DENND1A: variants seen among roughly 807,000 people sequenced by gnomAD.
DENND1A encodes DENN domain containing 1A.
In DENND1A, 51 loss-of-function variants were observed where a neutral mutation model predicts 113.7. The observed-to-expected ratio is 0.45, with a 90% CI of 0.36 to 0.57. The LOEUF is 0.57. Ranked by LOEUF, DENND1A falls within the 20% of genes least tolerant of loss-of-function variation. The pLI is 0.00. For synonymous variants in DENND1A, 565 were observed against 570.8 expected (o/e 0.99, Z 0.14); for missense variants, 1,258 against 1,395.9 (o/e 0.90, Z 1.57).
intron 13 of DENND1A, among the ~76,000 whole-genome samples, chr9:123,515,112 C>T (rs1030905525): frequency 3.3e-5 from 5 of 152,170 alleles, no homozygotes; most frequent in African/African-American, 4.8e-5. Context: ...CTACATGAAA[C>T]GGTACTAAAG....
chr9:123,833,484 G>A (rs924165618), intron 2 of DENND1A, among the ~76,000 whole-genome samples: 6 of 152,066 alleles, frequency 3.9e-5, no homozygotes, highest in Admixed American at 1.3e-4. Context: ...TAATGATCAA[G>A]TGAGAACCCT....
chr9:123,454,656 G>A (rs1173590676), intron 16 of DENND1A, 83 bp downstream of exon 16: 9 of 1,372,664 alleles, frequency 6.6e-6, no homozygotes, highest in African/African-American at 2.9e-5. Context: ...GCTCCAGGAT[G>A]GAAGGGGAAG....
chr9:123,712,042 T>C (rs2066671694), intron 5 of DENND1A, among the ~76,000 whole-genome samples: 1 of 152,232 alleles, frequency 6.6e-6, no homozygotes. Flanking sequence ...TTACCTTCTC[T>C]GTGCCTCCAT....
At chr9:123,878,926 T>C (rs373199522) in intron 2 of DENND1A, 25 bp downstream of exon 2, 14 of 1,611,270 alleles carry the variant, frequency 8.7e-6, no homozygotes, top group Non-Finnish European at 1.2e-5. Flanking sequence ...TAACACACCA[T>C]ATCATAATCA....
intron 10 of DENND1A, among the ~76,000 whole-genome samples, chr9:123,627,582 T>C (rs1283904940): frequency 2.6e-5 from 4 of 151,824 alleles, no homozygotes; most frequent in African/African-American, 9.7e-5. Context: ...CTACTAAAAT[T>C]ACAAATAATT....
At chr9:123,791,089 G>A (rs1832927523) in intron 3 of DENND1A, among the ~76,000 whole-genome samples, 2 of 152,024 alleles carry the variant, frequency 1.3e-5, no homozygotes, top group South Asian at 4.1e-4. Context: ...TATGTTGAAC[G>A]GAATAGACCC....
chr9:123,477,662 G>A (rs1304150258), intron 13 of DENND1A, among the ~76,000 whole-genome samples: 1 of 151,818 alleles, frequency 6.6e-6, no homozygotes, highest in Non-Finnish European at 1.5e-5. Flanking sequence ...TAGGTGATGT[G>A]TTGAAAGGTG....
At chr9:123,392,831 G>A (rs1302722801) in intron 21 of DENND1A, among the ~76,000 whole-genome samples, 3 of 152,022 alleles carry the variant, frequency 2.0e-5, no homozygotes, top group South Asian at 2.1e-4. Context: ...TTTCCCTGCC[G>A]AGGCCCCAGA....
chr9:123,579,464 G>C (rs10818844), intron 12 of DENND1A, among the ~76,000 whole-genome samples: 8,562 of 152,228 alleles, frequency 0.056, 335 homozygotes, highest in South Asian at 0.096. Flanking sequence ...GGGAAATGGA[G>C]TTTATGTTTT....
chr9:123,705,968 T>C (rs1327007339), intron 5 of DENND1A, among the ~76,000 whole-genome samples: 1 of 152,100 alleles, frequency 6.6e-6, no homozygotes, highest in Non-Finnish European at 1.5e-5. Context: ...GTCATTCAAA[T>C]TCTGTTTTGT....
intron 5 of DENND1A, among the ~76,000 whole-genome samples, chr9:123,740,169 A>G (rs1045765269): frequency 2.6e-5 from 4 of 152,204 alleles, no homozygotes; most frequent in African/African-American, 9.7e-5. Context: ...ATGCCCCTCT[A>G]CGTAAAAGTT....
intron 1 of DENND1A, among the ~76,000 whole-genome samples, chr9:123,903,331 CAAAAAAA>C (rs869154918): frequency 1.3e-3 from 36 of 27,020 alleles, no homozygotes; most frequent in East Asian, 3.5e-3. Flanking sequence ...GACTCCGTCT[CAAAAAAA>C]AAAAAAAAAA....
chr9:123,485,323 G>C (rs983489661), intron 13 of DENND1A, among the ~76,000 whole-genome samples: 1 of 152,224 alleles, frequency 6.6e-6, no homozygotes, highest in Non-Finnish European at 1.5e-5. Flanking sequence ...ATAATTAAAG[G>C]CTTCAGCAAT....
chr9:123,588,514 G>A (rs1301526664), intron 11 of DENND1A, among the ~76,000 whole-genome samples: 1 of 150,306 alleles, frequency 6.7e-6, no homozygotes, highest in Non-Finnish European at 1.5e-5. Context: ...CAGCTACTTG[G>A]GAGGCTGAGG....
intron 19 of DENND1A, among the ~76,000 whole-genome samples, chr9:123,421,119 G>C (rs528525585): frequency 1.7e-4 from 25 of 148,072 alleles, no homozygotes; most frequent in African/African-American, 6.3e-4. Context: ...CCCAGGAGGA[G>C]GGGGACACGA....
intron 13 of DENND1A, among the ~76,000 whole-genome samples, chr9:123,510,230 T>C (rs1022744338): frequency 2.6e-5 from 4 of 152,248 alleles, no homozygotes; most frequent in African/African-American, 4.8e-5. Flanking sequence ...TTATTGATCC[T>C]TGTGCTCCTT....
At chr9:123,708,655 G>C (rs964915286) in intron 5 of DENND1A, among the ~76,000 whole-genome samples, 1 of 152,148 alleles carries the variant, frequency 6.6e-6, no homozygotes, top group Non-Finnish European at 1.5e-5. Flanking sequence ...GCAGATGGTA[G>C]GGTTATGTGG....
At chr9:123,874,932 C>G (rs73669008) in intron 2 of DENND1A, among the ~76,000 whole-genome samples, 1 of 152,080 alleles carries the variant, frequency 6.6e-6, no homozygotes, top group Admixed American at 6.6e-5. Context: ...AGGATTCATA[C>G]GTAGGAAAGG....
At chr9:123,556,687 G>T (rs970324012) in intron 13 of DENND1A, among the ~76,000 whole-genome samples, 1 of 152,224 alleles carries the variant, frequency 6.6e-6, no homozygotes, top group African/African-American at 2.4e-5. Context: ...CGTTCAAGAC[G>T]AAGGCAGCCC....
Sources: allele counts gnomAD v4.1 joint callset (sites outside exome capture counted in the v4.1 genomes callset), GRCh38; gene constraint gnomAD v4.1.1; transcripts MANE v1.5; gene names NCBI Gene and HGNC (gene_info 2026-07-23, HGNC 2026-07-21).